AFF4: variants seen among roughly 807,000 people sequenced by gnomAD.
AFF4 encodes the protein AF4/FMR2 family member 4.
Under a neutral mutation model 124.8 loss-of-function variants are expected in AFF4, and 13 were observed. The observed-to-expected ratio is 0.10, with a 90% CI of 0.07 to 0.17. The LOEUF (loss-of-function observed/expected upper bound fraction) is 0.17. AFF4 is among the 10% of genes least tolerant of loss of function. AFF4 has a pLI of 1.00. For synonymous variants in AFF4, 477 were observed against 496.1 expected, an observed-to-expected ratio of 0.96 and a Z score of 0.51; for missense variants, 1,092 against 1,403.8, an observed-to-expected ratio of 0.78 and a Z score of 3.55.
chr5:132,914,119 T>G (rs1307813482), intron 5 of AFF4, among the ~76,000 whole-genome samples: 9 of 151,700 alleles, frequency 5.9e-5, no homozygotes, highest in African/African-American at 2.2e-4. Flanking sequence ...TCCCAGCTAC[T>G]TGGGAGCCTG....
Position 132,887,959 on chromosome 5 carries a change from T to C in AFF4, c.2820A>G (p.Val940=), listed in dbSNP as rs1259130197. ...AAGATACCACAGCATCAAGATAGTA[T>C]ACAGCTTTCTCAAACCTATCAGACT... is the stretch of plus-strand genomic sequence containing the variant. ...DALSDRFEKA[V]YYLDAVVSFI... Residue 940 remains valine (V), a synonymous_variant, in exon 16 of 21, where the codon GTA becomes GTG. Coordinates refer to ENST00000265343, the MANE Select transcript of AFF4 (RefSeq NM_014423.4). The C allele has an allele frequency of 7.4e-6, 12 of 1,613,648 alleles. No homozygotes were observed. Among genetic ancestry groups the C allele is most frequent in the Non-Finnish European group, 1.0e-5 (12 of 1,179,942 alleles).
chr5:132,899,456 C>T (rs550965312), intron 8 of AFF4, 131 bp downstream of exon 8: 5 of 892,142 alleles, frequency 5.6e-6, no homozygotes, highest in South Asian at 2.5e-5. Flanking sequence ...AAGAAAACTA[C>T]AACATTTCAG....
intron 5 of AFF4, chr5:132,926,700 CTTT>C (rs56914896): frequency 0.14 from 6,663 of 47,228 alleles, 343 homozygotes; most frequent in Middle Eastern, 0.33. Context: ...CTATGCCAAG[CTTT>C]TTTTTTTTTT....
At chr5:132,922,127 A>G (rs940235194) in intron 5 of AFF4, among the ~76,000 whole-genome samples, 28 of 152,162 alleles carry the variant, frequency 1.8e-4, no homozygotes, top group Non-Finnish European at 8.8e-5. Flanking sequence ...TAATACAGAC[A>G]TAAAAACAGG....
At chr5:132,943,737 GA>G in intron 1 of AFF4, 20 of 313,762 alleles carry the variant, frequency 6.4e-5, no homozygotes, top group Non-Finnish European at 9.5e-5. Flanking sequence ...CTGGTGACAG[GA>G]AAAATGACCC....
At chr5:132,923,558 G>C (rs1761102882) in intron 5 of AFF4, among the ~76,000 whole-genome samples, 1 of 151,466 alleles carries the variant, frequency 6.6e-6, no homozygotes, top group Admixed American at 6.6e-5. Context: ...AGTAGAGTGA[G>C]ACCCCCGTCT....
chr5:132,896,860 T>C lies in AFF4; in HGVS notation c.1770A>G (p.Val590=), dbSNP rs1217556575. The change falls in exon 11 of 21, where the codon GTA becomes GTG. Residue 590 remains valine (V), a synonymous_variant. Coordinates refer to ENST00000265343, the MANE Select transcript of AFF4 (RefSeq NM_014423.4). ...TGGAGGGCATGCTGCTAGCCAAGTC[T>C]ACAGGGGTTTCACTTTCTATCTTCA... is the stretch of plus-strand genomic sequence containing the variant. ...GGLKIESETP[V]DLASSMPSSR... is the part of the protein sequence containing the mutation. The C allele has an allele frequency of 3.1e-6, 5 of 1,614,130 alleles. No homozygotes were observed. Among genetic ancestry groups the C allele is most frequent in the Non-Finnish European group, 4.2e-6 (5 of 1,180,016 alleles).
At chr5:132,932,512 C>T (rs982297184) in intron 3 of AFF4, among the ~76,000 whole-genome samples, 1 of 152,000 alleles carries the variant, frequency 6.6e-6, no homozygotes, top group Non-Finnish European at 1.5e-5. Context: ...TTCAGGTGTG[C>T]AGCTTGTCTA....
chr5:132,949,754 C>T (rs769497702), intron 1 of AFF4, among the ~76,000 whole-genome samples: 5 of 148,782 alleles, frequency 3.4e-5, no homozygotes, highest in South Asian at 2.1e-4. Context: ...CCCGGCTACT[C>T]GGGAGGCTGA....
In AFF4 at chr5:132,963,623, G is replaced by A; in HGVS notation, c.-369C>T. The A allele has an allele frequency of 5.0e-6, 2 of 397,094 alleles. No homozygotes were observed. The highest frequency in any genetic ancestry group is 4.4e-5 in the Admixed American group (1 of 22,692). 24.6% of individuals were successfully genotyped at this position (397,094 alleles called of 1,614,324 possible). A position where few individuals can be genotyped will look rare whatever the true frequency, so the allele number is the denominator to read the frequency against. On this transcript the variant is annotated 5_prime_UTR_variant, in exon 1 of 21. Coordinates refer to ENST00000265343, the MANE Select transcript of AFF4 (RefSeq NM_014423.4). ...CGGCAGCTGGACTCCTGCAGCCAGG[G>A]CTGTGACTGACGCAGCGGCCGTGCC...
In AFF4 at chr5:132,878,917, T is replaced by G. The variant is rs946212423; in HGVS notation, c.*2142A>C. On this transcript the variant is annotated 3_prime_UTR_variant, in exon 21 of 21. Transcript: ENST00000265343. ...GGATACTTTTTCCATTTCTAAGACA[T>G]CACTGCAAATTAAGGAATCCAAGTC... 13 of 221,506 alleles carry G rather than the reference T, an allele frequency of 5.9e-5. No homozygotes were observed. The highest frequency in any genetic ancestry group is 1.2e-4 in the Non-Finnish European group (13 of 110,814). The allele number at this position is 221,506 out of a possible 1,614,324, so 13.7% of individuals were successfully genotyped here.
In AFF4 at chr5:132,896,877, C is replaced by G. The variant is rs1214814384; in HGVS notation, c.1753G>C (p.Glu585Gln). The change falls in exon 11 of 21, where the codon GAA becomes CAA. Residue 585 changes from glutamate (E) to glutamine (Q), a missense_variant. By Grantham distance (29) the Glu-to-Gln change is conservative. Around this residue, in one of 11 missense-constraint regions of AFF4, gnomAD observed 174 missense variants for 205.9 expected, o/e 0.84. Coordinates refer to ENST00000265343, the MANE Select transcript of AFF4 (RefSeq NM_014423.4). ...GCCAAGTCTACAGGGGTTTCACTTT[C>G]TATCTTCAGGCCTCCACGAGGCTCT... ...AEEPRGGLKIESETPVDLASS... is the reference protein window; with the variant it reads ...AEEPRGGLKIQSETPVDLASS... The G allele has an allele frequency of 6.2e-7, 1 of 1,614,072 alleles. No individual in the cohort carries two copies. Among genetic ancestry groups the G allele is most frequent in the Admixed American group, 1.7e-5 (1 of 59,990 alleles).
chr5:132,936,039 G>A (rs1039369264), intron 2 of AFF4, among the ~76,000 whole-genome samples: 109 of 151,872 alleles, frequency 7.2e-4, no homozygotes, highest in African/African-American at 2.3e-3. Context: ...AGGCTGAGGC[G>A]GGCGGATCAT....
At chr5:132,892,968 CCACT>C in intron 12 of AFF4, 58 bp downstream of exon 12, 2 of 1,469,988 alleles carry the variant, frequency 1.4e-6, no homozygotes, top group Non-Finnish European at 1.9e-6. Context: ...CAGAAAGTAC[CCACT>C]ATCAAATGAT....
intron 5 of AFF4, among the ~76,000 whole-genome samples, chr5:132,914,508 G>A (rs1215561459): frequency 1.3e-5 from 2 of 151,760 alleles, no homozygotes; most frequent in African/African-American, 4.8e-5. Context: ...GGCTGAGGCA[G>A]GAGAATCGCT....
At chr5:132,923,932 C>T (rs2150090995) in intron 5 of AFF4, among the ~76,000 whole-genome samples, 1 of 152,074 alleles carries the variant, frequency 6.6e-6, no homozygotes, top group East Asian at 1.9e-4. Flanking sequence ...TTGGTGTTTC[C>T]ATATAATAAA....
chr5:132,899,414 A>T lies in AFF4; in HGVS notation c.1188+173T>A, dbSNP rs1487176500. ...TGAGGAAAACCCAATTTTTTAAAAAAATAAGAAAAAAATGGAGATTTAAAA... is the reference window on the plus strand; with the variant it reads ...TGAGGAAAACCCAATTTTTTAAAAATATAAGAAAAAAATGGAGATTTAAAA... On this transcript the variant is annotated intron_variant, in intron 8 of 20. Transcript: ENST00000265343. Among the ~76,000 whole-genome samples, 3 of 152,198 alleles carry T rather than the reference A, an allele frequency of 2.0e-5. No individual in the cohort carries two copies. The East Asian group carries it at 5.8e-4, about 29-fold the overall frequency.
Position 132,912,008 on chromosome 5 carries a change from TAAAG to T in AFF4, c.1051-7608_1051-7605del, listed in dbSNP as rs1760801646. ...TAAAAATAAAAATGGAAAGGCAAAA[TAAAG>T]ATTTTTTCAAAGTACTAAAAGAAAT... On this transcript the variant is annotated intron_variant, in intron 5 of 20. Transcript: ENST00000265343. 2.0e-5 allele frequency among the ~76,000 whole-genome samples: 3 copies of T among 151,332 alleles called. No homozygotes were observed. In the South Asian group the frequency reaches 6.3e-4, roughly 32 times the overall value.
intron 1 of AFF4, among the ~76,000 whole-genome samples, chr5:132,950,518 G>T (rs1055599818): frequency 1.3e-5 from 2 of 151,576 alleles, no homozygotes; most frequent in African/African-American, 4.8e-5. Flanking sequence ...GCATGGTGGT[G>T]GGCGCCTGTA....
Sources: allele counts gnomAD v4.1 joint callset (sites outside exome capture counted in the v4.1 genomes callset), GRCh38; gene constraint gnomAD v4.1.1; regional missense constraint gnomAD v4.1.1; transcripts MANE v1.5; gene names NCBI Gene and HGNC (gene_info 2026-07-23, HGNC 2026-07-21).